The following CFAP61 variants were observed in gnomAD, a reference collection of about 807,000 sequenced individuals.
CFAP61 encodes cilia and flagella associated protein 61.
A neutral mutation model predicts 135.6 loss-of-function variants in CFAP61; 107 were observed. The ratio of observed to expected loss-of-function variants is 0.79; its 90% CI spans 0.67 to 0.93. CFAP61 has a LOEUF of 0.93. CFAP61 is among the 40% of genes least tolerant of loss of function. The probability of loss-of-function intolerance (pLI) is 0.00; values close to 1 mark genes in which losing one functional copy is unlikely to be tolerated. For missense variants in CFAP61, 1,507 were observed against 1,556.2 expected, an observed-to-expected ratio of 0.97 and a Z score of 0.53; for synonymous variants, 575 against 578.5, an observed-to-expected ratio of 0.99 and a Z score of 0.09.
chr20:20,133,381 A>G (rs1191825000), intron 8 of CFAP61, among the ~76,000 whole-genome samples: 1 of 152,100 alleles, frequency 6.6e-6, no homozygotes, highest in Non-Finnish European at 1.5e-5. Context: ...TGTCCCTCTC[A>G]TCCTTTAGGA....
rs1277233037 is a variant in CFAP61 at position 20,106,000 on chromosome 20, C to CTATACATATATATATA, written c.859+7190_859+7191insCATATATATATATATA. Among the ~76,000 whole-genome samples, 94 of 102,614 alleles carry CTATACATATATATATA rather than the reference C, an allele frequency of 9.2e-4. 14 individuals carry two copies. Among genetic ancestry groups the CTATACATATATATATA allele is most frequent in the East Asian group, 8.9e-3 (16 of 1,792 alleles). 67.3% of individuals were successfully genotyped at this position (102,614 alleles called of 152,430 possible). A position where few individuals can be genotyped will look rare whatever the true frequency, so the allele number is the denominator to read the frequency against. On this transcript the variant is annotated intron_variant, in intron 8 of 26. Coordinates refer to ENST00000245957, the MANE Select transcript of CFAP61 (RefSeq NM_015585.4). ...CTTCGAAAGCTTTAGCTACTCTTGC[C>CTATACATATATATATA]TATATATATATATATATATATATAT...
At chr20:20,331,373 CA>C (rs562102748) in intron 25 of CFAP61, among the ~76,000 whole-genome samples, 1 of 118,016 alleles carries the variant, frequency 8.5e-6, no homozygotes, top group South Asian at 2.6e-4. Context: ...CTAAGAGTGA[CA>C]AAAAAAAGTG....
chr20:20,262,804 G>GTTTT, intron 20 of CFAP61, 152 bp from the exon 21 acceptor site: 1 of 144,448 alleles, frequency 6.9e-6, no homozygotes, highest in Non-Finnish European at 1.1e-5. Flanking sequence ...CTGTTTTTGT[G>GTTTT]TTTTTTTTTT....
chr20:20,204,908 C>CT (rs1295304461), intron 17 of CFAP61, among the ~76,000 whole-genome samples: 1 of 152,224 alleles, frequency 6.6e-6, no homozygotes, highest in Non-Finnish European at 1.5e-5. Context: ...TGTGTTTACA[C>CT]TATCTATGAG....
At chr20:20,296,953 C>G (rs951815575) in intron 24 of CFAP61, among the ~76,000 whole-genome samples, 5 of 152,040 alleles carry the variant, frequency 3.3e-5, no homozygotes, top group African/African-American at 1.2e-4. Context: ...TCCCGTCTAT[C>G]CATCCATTTC....
intron 13 of CFAP61, among the ~76,000 whole-genome samples, chr20:20,176,220 T>A (rs1372820285): frequency 6.6e-6 from 1 of 152,178 alleles, no homozygotes; most frequent in East Asian, 1.9e-4. Flanking sequence ...CTGGCGAGAC[T>A]ATGGAGAAAT....
intron 8 of CFAP61, among the ~76,000 whole-genome samples, chr20:20,106,361 T>C (rs1310878886): frequency 6.6e-6 from 1 of 152,182 alleles, no homozygotes; most frequent in Non-Finnish European, 1.5e-5. Flanking sequence ...CCTTTTCTAA[T>C]GTCTTCAAAA....
At chr20:20,140,756 A>G (rs6046649) in intron 8 of CFAP61, among the ~76,000 whole-genome samples, 136,321 of 151,234 alleles carry the variant, frequency 0.9, 62,254 homozygotes, top group Middle Eastern at 0.99. Context: ...ATAAAGACAC[A>G]TGCACACGTA....
intron 22 of CFAP61, among the ~76,000 whole-genome samples, chr20:20,282,333 T>C (rs2054257639): frequency 6.6e-6 from 1 of 152,196 alleles, no homozygotes; most frequent in South Asian, 2.1e-4. Flanking sequence ...AATTATTTTC[T>C]TCCTTCTTCT....
chr20:20,180,285 C>T (rs529925802), intron 13 of CFAP61, among the ~76,000 whole-genome samples: 14 of 151,704 alleles, frequency 9.2e-5, no homozygotes, highest in East Asian at 1.9e-4. Flanking sequence ...GCCGAGATCA[C>T]GCCACTGCAC....
intron 2 of CFAP61, among the ~76,000 whole-genome samples, chr20:20,070,258 A>T (rs2045609549): frequency 6.6e-6 from 1 of 152,208 alleles, no homozygotes; most frequent in African/African-American, 2.4e-5. Flanking sequence ...GGGTCAGATG[A>T]TATTCCAGAT....
chr20:20,200,323 G>C (rs548253974), intron 17 of CFAP61, among the ~76,000 whole-genome samples: 2 of 152,088 alleles, frequency 1.3e-5, no homozygotes, highest in South Asian at 2.1e-4. Flanking sequence ...GGCTGCATTC[G>C]AGATGTTTGG....
At chr20:20,220,786 T>C (rs2048347622) in intron 17 of CFAP61, among the ~76,000 whole-genome samples, 1 of 152,238 alleles carries the variant, frequency 6.6e-6, no homozygotes. Context: ...TACTGTTTAA[T>C]AGGAAGAATG....
rs1054972941 is a variant in CFAP61, at chr20:20,320,185, A to G, written c.3423-21646A>G. Among the ~76,000 whole-genome samples the G allele has an allele frequency of 2.0e-5, 3 of 150,194 alleles. No homozygotes were observed. The Admixed American group carries it at 2.0e-4, about 10-fold the overall frequency. On this transcript the variant is annotated intron_variant, in intron 25 of 26. Transcript: ENST00000245957. ...TTTAAAAACATATCACCCTATTTGG[A>G]TCCTGATTCAGATAAACTGTTAAAC...
Position 20,359,748 on chromosome 20 carries a change from T to C in CFAP61, c.3514-462T>C, listed in dbSNP as rs988187531. Among the ~76,000 whole-genome samples, 3 of 152,146 alleles carry C rather than the reference T, an allele frequency of 2.0e-5. No individual in the cohort carries two copies. Among genetic ancestry groups the C allele is most frequent in the Non-Finnish European group, 4.4e-5 (3 of 68,034 alleles). ...TTATCTGAAAATGAAGGGCTTGAAATGACTAACCTGGATGACTCTTGAGGA... is the reference window on the plus strand; with the variant it reads ...TTATCTGAAAATGAAGGGCTTGAAACGACTAACCTGGATGACTCTTGAGGA... On this transcript the variant is annotated intron_variant, in intron 26 of 26. Transcript: ENST00000245957. The surrounding 1 kb of genome is among the most constrained non-coding windows in gnomAD (Gnocchi z 4.0).
Position 20,298,339 on chromosome 20 carries a change from C to G in CFAP61, c.3375C>G (p.Asn1125Lys). The change falls in exon 25 of 27, where the codon AAC (asparagine) becomes AAG (lysine). Residue 1125 changes from asparagine to lysine, a missense_variant. Physicochemically the swap from Asn to Lys is moderately conservative, Grantham distance 94. Coordinates refer to ENST00000245957, the MANE Select transcript of CFAP61 (RefSeq NM_015585.4). ...RLFGQHEQLL[N>K]NLCARYDENL... ...TTGGCCAGCACGAGCAACTCCTCAA[C>G]AACCTGTGTGCTCGGTACGATGAAA... The G allele has an allele frequency of 6.2e-7, 1 of 1,614,204 alleles. No individual in the cohort carries two copies. Among genetic ancestry groups the G allele is most frequent in the South Asian group, 1.1e-5 (1 of 91,080 alleles).
At chr20:20,105,090 TA>T (rs912111517) in intron 8 of CFAP61, among the ~76,000 whole-genome samples, 2 of 152,074 alleles carry the variant, frequency 1.3e-5, no homozygotes, top group African/African-American at 4.8e-5. Context: ...TGGTCCCTAA[TA>T]GGGGGGCGGT....
chr20:20,230,113 C>T (rs1332740324), intron 18 of CFAP61, among the ~76,000 whole-genome samples: 1 of 152,136 alleles, frequency 6.6e-6, no homozygotes, highest in Non-Finnish European at 1.5e-5. Flanking sequence ...GAGACATATA[C>T]AAGTAATTTT....
At chr20:20,171,107 A>T (rs1238009965) in intron 13 of CFAP61, among the ~76,000 whole-genome samples, 1 of 152,184 alleles carries the variant, frequency 6.6e-6, no homozygotes, top group Non-Finnish European at 1.5e-5. Flanking sequence ...TACAGAGCCA[A>T]CTCATGACCA....
Sources: gnomAD v4.1 joint callset for allele counts (sites outside exome capture counted in the v4.1 genomes callset) on GRCh38, gnomAD v4.1.1 for gene constraint, Gnocchi (gnomAD v3.1) non-coding constraint, MANE v1.5 for transcripts, NCBI Gene and HGNC (gene_info 2026-07-23, HGNC 2026-07-21) for gene names.